Variants in NAA35 observed in about 807,000 individuals in gnomAD.
NAA35 encodes the protein N-alpha-acetyltransferase 35, NatC auxiliary subunit, also known as MAK10 homolog, amino-acid N-acetyltransferase subunit.
Under a neutral mutation model 101.7 loss-of-function variants are expected in NAA35, and 18 were observed. The observed-to-expected ratio is 0.18, with a 90% CI of 0.12 to 0.26. The LOEUF is 0.26. Among genes scored for constraint, NAA35 ranks in the 10% least tolerant of loss-of-function variants. The pLI is 1.00. For synonymous variants in NAA35, 267 were observed against 273.1 expected, an observed-to-expected ratio of 0.98 and a Z score of 0.22; for missense variants, 601 against 886.8, an observed-to-expected ratio of 0.68 and a Z score of 4.09.
At chr9:85,958,202 A>G (rs879778567) in intron 3 of NAA35, among the ~76,000 whole-genome samples, 1 of 152,092 alleles carries the variant, frequency 6.6e-6, no homozygotes, top group Admixed American at 6.5e-5. Context: ...CAGCCTCCCA[A>G]AGTGCTGGGA....
chr9:85,986,615 A>T lies in NAA35; in HGVS notation c.877+8234A>T, dbSNP rs1383483888. 5 of 358,938 alleles carry T rather than the reference A, an allele frequency of 1.4e-5. No individual in the cohort carries two copies. In the East Asian group the frequency reaches 3.9e-4, roughly 28 times the overall value. 22.2% of individuals were successfully genotyped at this position (358,938 alleles called of 1,614,324 possible). ...TCTTTTTTTTTTGAGACGAAGTTTC[A>T]CTATTGTTGCCTAGGCTGGAGTGCA... On this transcript the variant is annotated intron_variant, in intron 11 of 22. Coordinates refer to ENST00000361671, the MANE Select transcript of NAA35 (RefSeq NM_024635.4).
intron 8 of NAA35, 99 bp downstream of exon 8, chr9:85,975,256 A>T (rs918348572): frequency 7.4e-5 from 89 of 1,197,010 alleles, no homozygotes; most frequent in Non-Finnish European, 1.0e-4. Context: ...TTTCTCCTGT[A>T]TGTGCTTTGT....
intron 2 of NAA35, among the ~76,000 whole-genome samples, chr9:85,952,839 A>G (rs1829079164): frequency 6.6e-6 from 1 of 152,212 alleles, no homozygotes; most frequent in South Asian, 2.1e-4. Context: ...CCTGAGAGTA[A>G]TAATTTTTAC....
At chr9:85,966,603 G>T in intron 6 of NAA35, 2 of 1,235,972 alleles carry the variant, frequency 1.6e-6, no homozygotes, top group Non-Finnish European at 2.1e-6. Context: ...CAGATTTCGC[G>T]GCTCCTAGAA....
intron 21 of NAA35, among the ~76,000 whole-genome samples, chr9:86,019,306 A>G (rs961907835): frequency 5.9e-5 from 9 of 152,002 alleles, no homozygotes; most frequent in African/African-American, 2.2e-4. Flanking sequence ...TAACAATACA[A>G]AAAATTAGCC....
At chr9:85,943,833 A>C (rs1192633943) in intron 2 of NAA35, among the ~76,000 whole-genome samples, 3 of 152,204 alleles carry the variant, frequency 2.0e-5, no homozygotes, top group Admixed American at 6.5e-5. Context: ...AAGTTTTTGC[A>C]AAGGGAGGTG....
intron 6 of NAA35, among the ~76,000 whole-genome samples, chr9:85,970,687 A>G (rs1829963441): frequency 6.6e-6 from 1 of 152,194 alleles, no homozygotes; most frequent in South Asian, 2.1e-4. Context: ...ACTATTCAAA[A>G]TATACTATTT....
chr9:85,999,881 C>T (rs1831340320), intron 12 of NAA35, among the ~76,000 whole-genome samples: 1 of 152,156 alleles, frequency 6.6e-6, no homozygotes, highest in African/African-American at 2.4e-5. Context: ...ACTGCTGTCC[C>T]ACACTCTGTA....
At chr9:85,955,359 TA>T (rs1269627809) in intron 2 of NAA35, among the ~76,000 whole-genome samples, 3,191 of 31,096 alleles carry the variant, frequency 0.1, 212 homozygotes, top group South Asian at 0.16. Context: ...TATATATATA[TA>T]TTTTTTTTTT....
At chr9:85,998,180 C>G (rs950861715) in intron 12 of NAA35, among the ~76,000 whole-genome samples, 3 of 152,140 alleles carry the variant, frequency 2.0e-5, no homozygotes, top group African/African-American at 7.2e-5. Context: ...TCCGAAAATG[C>G]TGGGATTACA....
intron 14 of NAA35, among the ~76,000 whole-genome samples, chr9:86,008,305 GC>G (rs2118381030): frequency 6.6e-6 from 1 of 152,242 alleles, no homozygotes; most frequent in Non-Finnish European, 1.5e-5. Flanking sequence ...CAAGTGATCT[GC>G]CCACCTTGGC....
At chr9:85,955,350 ATATATATATATTTT>A (rs1340511892) in intron 2 of NAA35, among the ~76,000 whole-genome samples, 2 of 61,884 alleles carry the variant, frequency 3.2e-5, no homozygotes, top group African/African-American at 2.2e-4. Context: ...ATATATATAT[ATATATATATATTTT>A]TTTTTTTTTT....
At chr9:85,956,430 G>A (rs1564288728) in intron 3 of NAA35, 37 bp downstream of exon 3, 8 of 1,231,902 alleles carry the variant, frequency 6.5e-6, no homozygotes, top group East Asian at 5.5e-5. Flanking sequence ...GTAGTGTAAT[G>A]TTTCAGTCTG....
intron 17 of NAA35, chr9:86,014,368 C>T (rs766840087): frequency 1.5e-4 from 149 of 982,894 alleles, no homozygotes; most frequent in Non-Finnish European, 1.7e-4. Flanking sequence ...AGATGATCTT[C>T]GGCAGAGTAG....
At chr9:85,949,170 T>C (rs1291209183) in intron 2 of NAA35, among the ~76,000 whole-genome samples, 1 of 152,222 alleles carries the variant, frequency 6.6e-6, no homozygotes, top group Non-Finnish European at 1.5e-5. Context: ...GGAAGCATCC[T>C]TGAATTATCC....
intron 22 of NAA35, among the ~76,000 whole-genome samples, chr9:86,021,695 G>T (rs1348763337): frequency 6.6e-6 from 1 of 152,126 alleles, no homozygotes; most frequent in African/African-American, 2.4e-5. Context: ...GTTTTCTTAT[G>T]ATCTTCATAA....
intron 13 of NAA35, among the ~76,000 whole-genome samples, chr9:86,005,349 A>G (rs1831586848): frequency 6.6e-6 from 1 of 152,230 alleles, no homozygotes; most frequent in East Asian, 1.9e-4. Context: ...AACCTGATAA[A>G]GGACATATAC....
chr9:85,995,537 A>G (rs1831117402), intron 11 of NAA35, among the ~76,000 whole-genome samples: 1 of 152,080 alleles, frequency 6.6e-6, no homozygotes. Flanking sequence ...TATGGTTTAT[A>G]TATCTCAGGG....
chr9:85,965,403 G>A (rs1239229242), intron 6 of NAA35, among the ~76,000 whole-genome samples: 4 of 152,152 alleles, frequency 2.6e-5, no homozygotes, highest in Admixed American at 1.3e-4. Flanking sequence ...TGAAGTGGGC[G>A]GATGGCTTGA....
Sources: allele counts gnomAD v4.1 joint callset (sites outside exome capture counted in the v4.1 genomes callset), GRCh38; gene constraint gnomAD v4.1.1; transcripts MANE v1.5; gene names NCBI Gene and HGNC (gene_info 2026-07-23, HGNC 2026-07-21).